SOX6: variants seen among roughly 807,000 people sequenced by gnomAD.
SOX6 encodes the protein SRY-box transcription factor 6.
In SOX6, 11 loss-of-function variants were observed where a neutral mutation model predicts 97.8. The ratio of observed to expected loss-of-function variants is 0.11; its 90% CI spans 0.07 to 0.19. SOX6 has a LOEUF of 0.19. Ranked by LOEUF, SOX6 falls within the 10% of genes least tolerant of loss-of-function variation. SOX6 has a pLI of 1.00. For synonymous variants in SOX6, 360 were observed against 371.4 expected (o/e 0.97, Z 0.35); for missense variants, 810 against 1,039.5 (o/e 0.78, Z 3.04).
chr11:16,245,570 T>C (rs1415816252), intron 3 of SOX6, among the ~76,000 whole-genome samples: 2 of 151,764 alleles, frequency 1.3e-5, no homozygotes, highest in Non-Finnish European at 3.0e-5. Flanking sequence ...CTTTTTCTTC[T>C]TTTAGTTCTG....
chr11:16,067,237 G>A (rs373889611), intron 9 of SOX6, among the ~76,000 whole-genome samples: 2 of 152,164 alleles, frequency 1.3e-5, no homozygotes, highest in East Asian at 3.9e-4. Context: ...TGAGATTTGG[G>A]AGGAGACTGG....
chr11:16,291,848 T>C (rs900158523), intron 3 of SOX6, among the ~76,000 whole-genome samples: 8 of 152,112 alleles, frequency 5.3e-5, no homozygotes, highest in African/African-American at 1.9e-4. Flanking sequence ...ATTAGTCTTT[T>C]TTGCCTTTAT....
At chr11:15,992,066 A>C (rs1012133899) in intron 13 of SOX6, among the ~76,000 whole-genome samples, 3 of 152,230 alleles carry the variant, frequency 2.0e-5, no homozygotes, top group African/African-American at 7.2e-5. Context: ...ACTCACATGT[A>C]ATGCTTCCAG....
intron 4 of SOX6, among the ~76,000 whole-genome samples, chr11:16,602,449 GC>G (rs1407658197): frequency 6.6e-6 from 1 of 151,686 alleles, no homozygotes; most frequent in Non-Finnish European, 1.5e-5. Flanking sequence ...TTGGTTGTTT[GC>G]TTTTTTTTTA....
chr11:16,700,531 G>T (rs1027464086), intron 3 of SOX6, among the ~76,000 whole-genome samples: 1 of 152,166 alleles, frequency 6.6e-6, no homozygotes, highest in African/African-American at 2.4e-5. Context: ...CTGACCCCGT[G>T]GACTGCATCA....
intron 1 of SOX6, among the ~76,000 whole-genome samples, chr11:16,476,032 T>C (rs1860239781): frequency 6.6e-6 from 1 of 152,186 alleles, no homozygotes; most frequent in Non-Finnish European, 1.5e-5. Flanking sequence ...ATTCCTACAA[T>C]TGAGCCCTAT....
intron 2 of SOX6, among the ~76,000 whole-genome samples, chr11:16,727,199 A>G (rs945849583): frequency 1.4e-5 from 2 of 147,556 alleles, no homozygotes; most frequent in African/African-American, 5.3e-5. Flanking sequence ...TTGGGGAAAT[A>G]TGTCATGAAT....
At chr11:16,249,393 G>A (rs1361110792) in intron 3 of SOX6, among the ~76,000 whole-genome samples, 1 of 152,154 alleles carries the variant, frequency 6.6e-6, no homozygotes, top group Non-Finnish European at 1.5e-5. Flanking sequence ...CTTTGCTCCA[G>A]TTCCCAACAA....
chr11:16,334,459 G>A (rs959899963), intron 2 of SOX6, among the ~76,000 whole-genome samples: 1 of 148,574 alleles, frequency 6.7e-6, no homozygotes, highest in Admixed American at 6.8e-5. Context: ...ATGGAGTCTT[G>A]CTCTGTCGCC....
At position 16,083,700 on chromosome 11, in the gene SOX6, T is replaced by C. The variant is rs774185882; in HGVS notation, c.1101+12296A>G. On this transcript the variant is annotated intron_variant, in intron 9 of 15. Coordinates refer to ENST00000683767, the MANE Select transcript of SOX6 (RefSeq NM_001367873.1). ...CTGTGTGGCTTTGGTCAAGTTAATCTATCTCTCTAGACCTCAGTTTCTTCA... is the reference window on the plus strand; with the variant it reads ...CTGTGTGGCTTTGGTCAAGTTAATCCATCTCTCTAGACCTCAGTTTCTTCA... Among the ~76,000 whole-genome samples, 5 of 152,228 alleles carry C rather than the reference T, an allele frequency of 3.3e-5. No homozygotes were observed. The South Asian group carries it at 8.3e-4, about 25-fold the overall frequency.
intron 4 of SOX6, among the ~76,000 whole-genome samples, chr11:16,569,868 C>CAAAAAAAAAATATAAAAAAA (rs1847918402): frequency 1.2e-5 from 1 of 84,816 alleles, no homozygotes; most frequent in East Asian, 4.2e-4. Flanking sequence ...GACTCCGTCT[C>CAAAAAAAAAATATAAAAAAA]AAAAAAAAAA....
At chr11:16,394,408 T>C (rs1168922164) in intron 1 of SOX6, among the ~76,000 whole-genome samples, 1 of 151,876 alleles carries the variant, frequency 6.6e-6, no homozygotes, top group African/African-American at 2.4e-5. Context: ...TTAAATCCTC[T>C]TTTTTATCTC....
intron 4 of SOX6, among the ~76,000 whole-genome samples, chr11:16,595,398 C>A (rs748747796): frequency 2.6e-5 from 4 of 151,980 alleles, no homozygotes; most frequent in Non-Finnish European, 5.9e-5. Context: ...TTATTAAACA[C>A]CAGAGAGCTT....
chr11:16,521,316 G>A (rs1024113742), intron 4 of SOX6, among the ~76,000 whole-genome samples: 3 of 152,102 alleles, frequency 2.0e-5, no homozygotes, highest in Admixed American at 2.0e-4. Flanking sequence ...CAGCATTCGC[G>A]ATTCACGAAA....
chr11:16,419,226 T>C (rs898503419), intron 1 of SOX6, among the ~76,000 whole-genome samples: 2 of 152,186 alleles, frequency 1.3e-5, no homozygotes, highest in South Asian at 4.1e-4. Flanking sequence ...AGTATGATTA[T>C]CAAATTTATG....
At chr11:16,352,740 A>C (rs1164973214) in intron 1 of SOX6, among the ~76,000 whole-genome samples, 1 of 152,110 alleles carries the variant, frequency 6.6e-6, no homozygotes, top group Non-Finnish European at 1.5e-5. Context: ...TACTCATTTA[A>C]TCAGAGCTTA....
At chr11:16,061,173 T>C (rs954494385) in intron 9 of SOX6, among the ~76,000 whole-genome samples, 2 of 151,666 alleles carry the variant, frequency 1.3e-5, no homozygotes, top group African/African-American at 2.4e-5. Context: ...TTTGAAGTAG[T>C]TTGCTAAAAT....
At chr11:16,272,543 G>A (rs116412622) in intron 3 of SOX6, among the ~76,000 whole-genome samples, 180 of 151,668 alleles carry the variant, frequency 1.2e-3, no homozygotes, top group African/African-American at 4.2e-3. Flanking sequence ...GTAATTTCAC[G>A]ATCTTTAGCA....
chr11:16,023,868 G>C (rs1855141549), intron 12 of SOX6, among the ~76,000 whole-genome samples: 1 of 152,098 alleles, frequency 6.6e-6, no homozygotes, highest in African/African-American at 2.4e-5. Context: ...ATTGGTCAAG[G>C]GAGATCCTTA....
Sources: gnomAD v4.1 joint callset for allele counts (sites outside exome capture counted in the v4.1 genomes callset) on GRCh38, gnomAD v4.1.1 for gene constraint, MANE v1.5 for transcripts, NCBI Gene and HGNC (gene_info 2026-07-23, HGNC 2026-07-21) for gene names.